The following PEX14 variants were observed in gnomAD, a reference collection of about 807,000 sequenced individuals.
PEX14 encodes peroxisomal biogenesis factor 14.
A neutral mutation model predicts 49.5 loss-of-function variants in PEX14; 15 were observed. The ratio of observed to expected loss-of-function variants is 0.30; its 90% CI spans 0.20 to 0.47. The LOEUF is 0.47. PEX14 is among the 20% of genes least tolerant of loss of function. The pLI is 1.00. For missense variants in PEX14, 398 were observed against 494.8 expected (o/e 0.80, Z 1.86); for synonymous variants, 210 against 212.7 (o/e 0.99, Z 0.11).
chr1:10,626,315 G>A (rs1024145510), intron 7 of PEX14, among the ~76,000 whole-genome samples: 24 of 152,180 alleles, frequency 1.6e-4, no homozygotes, highest in Non-Finnish European at 2.6e-4. Flanking sequence ...AGCCAGAGCC[G>A]TGGCTCCTGG....
In PEX14 at chr1:10,623,259, A is replaced by G. The variant is rs1641647817; in HGVS notation, c.487+138A>G. On this transcript the variant is annotated intron_variant, in intron 6 of 8. Coordinates refer to ENST00000356607, the MANE Select transcript of PEX14 (RefSeq NM_004565.3). The surrounding 1 kb of genome is among the most constrained non-coding windows in gnomAD (Gnocchi z 4.4). ...GCTCTGAGAATCTGTTCACATTTGC[A>G]AATGAAGCCGCCGTCATTTCGGTTT... 1 of 686,324 alleles carries G rather than the reference A, an allele frequency of 1.5e-6. No individual in the cohort carries two copies. The highest frequency in any genetic ancestry group is 2.1e-5 in the Admixed American group (1 of 47,766). The allele number at this position is 686,324 out of a possible 1,614,324, so 42.5% of individuals were successfully genotyped here. A position where few individuals can be genotyped will look rare whatever the true frequency, so the allele number is the denominator to read the frequency against.
At chr1:10,618,305 T>C in intron 4 of PEX14, 27 bp from the exon 5 acceptor site, 1 of 1,602,812 alleles carries the variant, frequency 6.2e-7, no homozygotes, top group Non-Finnish European at 8.5e-7. Flanking sequence ...GTGCGTCTTC[T>C]AACCCTCCTC....
At chr1:10,553,638 C>G (rs1639397395) in intron 3 of PEX14, among the ~76,000 whole-genome samples, 1 of 133,014 alleles carries the variant, frequency 7.5e-6, no homozygotes, top group South Asian at 2.5e-4. Flanking sequence ...CTGGTAAAGT[C>G]TGCTTCTCCC....
chr1:10,627,124 A>G (rs1355376429), intron 7 of PEX14, 148 bp from the exon 8 acceptor site: 3 of 721,096 alleles, frequency 4.2e-6, no homozygotes, highest in East Asian at 5.1e-5. Context: ...CGTGGCAGGC[A>G]GTGGGCAGTG....
At position 10,560,454 on chromosome 1, in the gene PEX14, G is replaced by A. The variant is rs138058328; in HGVS notation, c.169+24157G>A. ...TCTTTCTTTCTTTTTTGGAGATGGG[G>A]TCTCACTCTGTCACCCAGGCTGGAG... is the stretch of plus-strand genomic sequence containing the variant. On this transcript the variant is annotated intron_variant, in intron 3 of 8. Transcript: ENST00000356607. 3.9e-4 allele frequency among the ~76,000 whole-genome samples: 59 copies of A among 152,154 alleles called. 2 individuals carry two copies. The East Asian group carries it at 0.011, about 27-fold the overall frequency.
intron 1 of PEX14, among the ~76,000 whole-genome samples, chr1:10,478,493 G>C (rs1336461333): frequency 1.3e-5 from 2 of 152,050 alleles, no homozygotes; most frequent in African/African-American, 4.8e-5. Context: ...TTTCATAATG[G>C]TATAGTCTTT....
At chr1:10,547,217 C>A (rs1639202667) in intron 3 of PEX14, among the ~76,000 whole-genome samples, 1 of 152,186 alleles carries the variant, frequency 6.6e-6, no homozygotes, top group Admixed American at 6.5e-5. Flanking sequence ...TGGCTCTTGA[C>A]CCCCATGAAG....
At chr1:10,543,385 C>T (rs1241876835) in intron 3 of PEX14, among the ~76,000 whole-genome samples, 5 of 152,168 alleles carry the variant, frequency 3.3e-5, no homozygotes, top group African/African-American at 9.7e-5. Flanking sequence ...TCACCTGTCT[C>T]GGCCTCTCAA....
At chr1:10,584,105 A>G (rs1640411602) in intron 3 of PEX14, among the ~76,000 whole-genome samples, 1 of 152,252 alleles carries the variant, frequency 6.6e-6, no homozygotes, top group Non-Finnish European at 1.5e-5. Context: ...ATGTGATCAG[A>G]TTCCCTGGAT....
intron 4 of PEX14, among the ~76,000 whole-genome samples, chr1:10,609,723 A>C (rs1254901868): frequency 6.6e-6 from 1 of 152,080 alleles, no homozygotes; most frequent in Non-Finnish European, 1.5e-5. Flanking sequence ...TGTCTCTACT[A>C]AACGTACAAA....
chr1:10,598,907 A>C (rs911708549), intron 3 of PEX14, among the ~76,000 whole-genome samples: 1 of 152,082 alleles, frequency 6.6e-6, no homozygotes, highest in South Asian at 2.1e-4. Context: ...TTACAGATTA[A>C]AATGAGCCAC....
At chr1:10,518,241 A>G (rs1052059275) in intron 2 of PEX14, among the ~76,000 whole-genome samples, 6 of 152,042 alleles carry the variant, frequency 3.9e-5, no homozygotes, top group African/African-American at 1.2e-4. Context: ...GGCTAATTTG[A>G]TATGTAGATG....
At chr1:10,481,304 A>G (rs1480336633) in intron 1 of PEX14, among the ~76,000 whole-genome samples, 3 of 151,688 alleles carry the variant, frequency 2.0e-5, no homozygotes, top group African/African-American at 7.3e-5. Flanking sequence ...TGCCTGGCTA[A>G]TTTTTTTGTA....
chr1:10,549,660 A>C (rs998613110), intron 3 of PEX14, among the ~76,000 whole-genome samples: 1 of 152,168 alleles, frequency 6.6e-6, no homozygotes, highest in Non-Finnish European at 1.5e-5. Flanking sequence ...GAAATGTTTC[A>C]GTTTGGATTT....
intron 3 of PEX14, among the ~76,000 whole-genome samples, chr1:10,540,933 C>T (rs918109158): frequency 2.0e-5 from 3 of 152,254 alleles, no homozygotes; most frequent in African/African-American, 7.2e-5. Context: ...AGATTCATTC[C>T]TCTGTTTGTT....
chr1:10,589,201 C>T lies in PEX14; in HGVS notation c.170-10037C>T, dbSNP rs544543605. ...AACAGATCTTTGGTTTAATACCAGA[C>T]GACATAGTCTGCATTGCATGTGAGT... is the stretch of plus-strand genomic sequence containing the variant. On this transcript the variant is annotated intron_variant, in intron 3 of 8. Transcript: ENST00000356607. Among the ~76,000 whole-genome samples the T allele has an allele frequency of 1.1e-4, 16 of 152,276 alleles. No homozygotes were observed. In the South Asian group the frequency reaches 1.5e-3, roughly 14 times the overall value.
chr1:10,610,740 G>A (rs1641257159), intron 4 of PEX14, among the ~76,000 whole-genome samples: 1 of 152,086 alleles, frequency 6.6e-6, no homozygotes. Context: ...TGATCCGTCC[G>A]CCTTGGCCTC....
intron 3 of PEX14, among the ~76,000 whole-genome samples, chr1:10,573,778 T>C (rs1026848934): frequency 2.0e-5 from 3 of 152,052 alleles, no homozygotes; most frequent in Non-Finnish European, 4.4e-5. Context: ...TAAAAAGACA[T>C]GTAGAAGAAT....
intron 3 of PEX14, among the ~76,000 whole-genome samples, chr1:10,540,090 C>T (rs1476470426): frequency 1.3e-5 from 2 of 152,132 alleles, no homozygotes; most frequent in Admixed American, 6.5e-5. Context: ...ACAAATAAAA[C>T]ACACCACCAT....
Sources: allele counts gnomAD v4.1 joint callset (sites outside exome capture counted in the v4.1 genomes callset), GRCh38; gene constraint gnomAD v4.1.1; non-coding constraint Gnocchi (gnomAD v3.1); transcripts MANE v1.5; gene names NCBI Gene and HGNC (gene_info 2026-07-23, HGNC 2026-07-21).